ADGRL3: variants seen among roughly 807,000 people sequenced by gnomAD.
The protein encoded by ADGRL3 is calcium-independent alpha-latrotoxin receptor 3.
A neutral mutation model predicts 153.5 loss-of-function variants in ADGRL3; 62 were observed. That is an observed-to-expected ratio of 0.40 (90% CI 0.33 to 0.50). The LOEUF is 0.50. ADGRL3 is among the 20% of genes least tolerant of loss of function. The probability of loss-of-function intolerance (pLI) is 0.47; values close to 1 mark genes in which losing one functional copy is unlikely to be tolerated. For missense variants in ADGRL3, 1,641 were observed against 1,859.4 expected, an observed-to-expected ratio of 0.88 and a Z score of 2.16; for synonymous variants, 710 against 672.5, an observed-to-expected ratio of 1.06 and a Z score of -0.86.
intron 14 of ADGRL3, 97 bp downstream of exon 14, chr4:61,935,120 C>T (rs931070091): frequency 5.1e-6 from 5 of 974,982 alleles, no homozygotes; most frequent in Non-Finnish European, 7.6e-6. Flanking sequence ...ATGAGTGATG[C>T]TTTATTTCAA....
rs189032978 is a variant in ADGRL3, at chr4:61,596,557, G to A, written c.473+9117G>A. 3.1e-4 allele frequency among the ~76,000 whole-genome samples: 47 copies of A among 152,214 alleles called. No individual in the cohort carries two copies. In the East Asian group the frequency reaches 8.1e-3, roughly 26 times the overall value. On this transcript the variant is annotated intron_variant, in intron 5 of 26. Coordinates refer to ENST00000683033, the MANE Select transcript of ADGRL3 (RefSeq NM_001387552.1). ...AACATATTATGAAATTTGCCTCCTT[G>A]AATACTGTATCTGTCTACCAATCAT... is the stretch of plus-strand genomic sequence containing the variant.
intron 2 of ADGRL3, among the ~76,000 whole-genome samples, chr4:61,419,350 A>C (rs2152320554): frequency 6.6e-6 from 1 of 150,970 alleles, no homozygotes; most frequent in South Asian, 2.1e-4. Context: ...AAGAAAGAAT[A>C]ATGAAAACAA....
chr4:61,990,927 T>A (rs2099101365), intron 19 of ADGRL3, among the ~76,000 whole-genome samples: 1 of 149,836 alleles, frequency 6.7e-6, no homozygotes, highest in Non-Finnish European at 1.5e-5. Flanking sequence ...ATAAGTACCT[T>A]GCAAGACTCT....
intron 1 of ADGRL3, among the ~76,000 whole-genome samples, chr4:61,330,401 C>T (rs2095548532): frequency 6.6e-6 from 1 of 152,124 alleles, no homozygotes. Flanking sequence ...CTCTCTTGAG[C>T]TTAGGACAGC....
chr4:61,493,652 T>C (rs1369082119), intron 2 of ADGRL3, among the ~76,000 whole-genome samples: 3 of 152,178 alleles, frequency 2.0e-5, no homozygotes, highest in African/African-American at 7.2e-5. Flanking sequence ...TTGTGTGTTC[T>C]TTGTCCTCTC....
intron 2 of ADGRL3, among the ~76,000 whole-genome samples, chr4:61,413,078 G>T (rs1400620843): frequency 6.6e-6 from 1 of 152,148 alleles, no homozygotes; most frequent in African/African-American, 2.4e-5. Flanking sequence ...TCACAGGAAG[G>T]TTAGTTTGTA....
chr4:61,531,549 C>T (rs1400616715), intron 4 of ADGRL3, among the ~76,000 whole-genome samples: 1 of 152,124 alleles, frequency 6.6e-6, no homozygotes, highest in Admixed American at 6.5e-5. Flanking sequence ...CATTTCCTTC[C>T]TTCCGCAAGC....
At chr4:61,310,474 A>G (rs937614932) in intron 1 of ADGRL3, among the ~76,000 whole-genome samples, 13 of 152,100 alleles carry the variant, frequency 8.5e-5, no homozygotes, top group African/African-American at 2.9e-4. Flanking sequence ...TGCCAAGGGC[A>G]TGGGTTATTC....
At chr4:61,825,911 T>C (rs2097796063) in intron 9 of ADGRL3, among the ~76,000 whole-genome samples, 2 of 152,250 alleles carry the variant, frequency 1.3e-5, no homozygotes, top group African/African-American at 4.8e-5. Flanking sequence ...ACAGACAGCA[T>C]TGAAGGAACC....
chr4:61,599,498 A>G (rs1341949129), intron 5 of ADGRL3, among the ~76,000 whole-genome samples: 1 of 152,002 alleles, frequency 6.6e-6, no homozygotes, highest in Non-Finnish European at 1.5e-5. Context: ...ACGCCTGGCT[A>G]AGTTTTGTAT....
chr4:61,710,259 T>C (rs2095944829), intron 6 of ADGRL3, among the ~76,000 whole-genome samples: 2 of 152,178 alleles, frequency 1.3e-5, no homozygotes, highest in African/African-American at 4.8e-5. Flanking sequence ...GACTCTATTG[T>C]TCAGAAACAA....
Position 61,217,660 on chromosome 4 carries a change from G to T in ADGRL3, c.-240+15895G>T, listed in dbSNP as rs574239375. 9.2e-5 allele frequency among the ~76,000 whole-genome samples: 14 copies of T among 152,316 alleles called. No individual in the cohort carries two copies. In the South Asian group the frequency reaches 2.9e-3, roughly 32 times the overall value. On this transcript the variant is annotated intron_variant, in intron 1 of 26. Coordinates refer to ENST00000683033, the MANE Select transcript of ADGRL3 (RefSeq NM_001387552.1). ...GGCACTGAAGATTTGAGTTGAGCAGGAATAGGTAAGTTCTATACAAATATT... is the reference window on the plus strand; with the variant it reads ...GGCACTGAAGATTTGAGTTGAGCAGTAATAGGTAAGTTCTATACAAATATT...
intron 1 of ADGRL3, among the ~76,000 whole-genome samples, chr4:61,363,357 T>A (rs1259931927): frequency 2.0e-5 from 3 of 152,104 alleles, no homozygotes; most frequent in African/African-American, 7.2e-5. Flanking sequence ...TTTTTTGGAT[T>A]TTTAAATATT....
intron 1 of ADGRL3, among the ~76,000 whole-genome samples, chr4:61,369,480 G>A (rs945723049): frequency 2.0e-5 from 3 of 152,216 alleles, no homozygotes; most frequent in African/African-American, 7.2e-5. Flanking sequence ...TGCATCTATT[G>A]AGATAATCAT....
intron 6 of ADGRL3, among the ~76,000 whole-genome samples, chr4:61,694,175 CATTATTTTTTTTTTTTTTTTT>C (rs2095592657): frequency 1.9e-5 from 1 of 51,848 alleles, no homozygotes; most frequent in African/African-American, 7.9e-5. Context: ...AAAATTTTGT[CATTATTTTTTTTTTTTTTTTT>C]TTTTTTTTTT....
chr4:61,974,704 G>T (rs1198497659), intron 17 of ADGRL3, among the ~76,000 whole-genome samples: 1 of 152,040 alleles, frequency 6.6e-6, no homozygotes, highest in Non-Finnish European at 1.5e-5. Flanking sequence ...TAAATTCAAG[G>T]CTTTAGACTC....
intron 15 of ADGRL3, among the ~76,000 whole-genome samples, chr4:61,939,447 TA>T (rs1199120743): frequency 1.3e-5 from 2 of 151,744 alleles, no homozygotes; most frequent in African/African-American, 2.4e-5. Context: ...ACTATTTCTG[TA>T]GACAAAATTT....
intron 2 of ADGRL3, among the ~76,000 whole-genome samples, chr4:61,477,607 T>G (rs563533244): frequency 6.6e-6 from 1 of 152,158 alleles, no homozygotes; most frequent in Admixed American, 6.6e-5. Context: ...TTGGCTAATG[T>G]GGCCCAACAA....
intron 8 of ADGRL3, among the ~76,000 whole-genome samples, chr4:61,762,286 T>C (rs6856043): frequency 0.087 from 13,266 of 152,232 alleles, 1,232 homozygotes; most frequent in African/African-American, 0.23. Flanking sequence ...TATAGCCATA[T>C]AAATACAACT....
Sources: gnomAD v4.1 joint callset for allele counts (sites outside exome capture counted in the v4.1 genomes callset) on GRCh38, gnomAD v4.1.1 for gene constraint, MANE v1.5 for transcripts, NCBI Gene and HGNC (gene_info 2026-07-23, HGNC 2026-07-21) for gene names.